EML2: variants seen among roughly 807,000 people sequenced by gnomAD.
EML2 encodes the protein echinoderm microtubule-associated protein-like 2.
A neutral mutation model predicts 84.7 loss-of-function variants in EML2; 59 were observed. That is an observed-to-expected ratio of 0.70 (90% confidence interval 0.56 to 0.86). EML2 has a LOEUF of 0.86. Among genes scored for constraint, EML2 ranks in the 40% least tolerant of loss-of-function variants. The probability of loss-of-function intolerance (pLI) is 0.00; values close to 1 mark genes in which losing one functional copy is unlikely to be tolerated. For missense variants in EML2, 818 were observed against 855.6 expected, an observed-to-expected ratio of 0.96 and a Z score of 0.55; for synonymous variants, 352 against 348.9, an observed-to-expected ratio of 1.01 and a Z score of -0.10.
At chr19:45,634,531 GTTTTT>G in intron 3 of EML2, 60 bp from the exon 4 acceptor site, 1 of 1,242,282 alleles carries the variant, frequency 8.0e-7, no homozygotes, top group Non-Finnish European at 1.0e-6. Flanking sequence ...TGTTTGTTTT[GTTTTT>G]ATTTATTTAT....
At chr19:45,641,346 C>T (rs910948807), upstream of EML2, 2 of 395,462 alleles carry the variant, frequency 5.1e-6, no homozygotes, top group Non-Finnish European at 4.7e-6. Context: ...TCTCCTGTAC[C>T]TTAATAACCA....
chr19:45,609,727 T>C lies in EML2; in HGVS notation c.1886A>G (p.Asp629Gly), dbSNP rs1308413347. ...CCCTGTGGTCAGGGCCATGCTGTCA[T>C]CCCACAAGAAGGCCACATTTGTCAC... The part of the protein sequence containing the change: ...SHVTNVAFLW[D>G]DSMALTTGGK... Residue 629 changes from aspartate to glycine, a missense_variant, in exon 19 of 19, where the codon GAT becomes GGT. Physicochemically the swap from Asp to Gly is moderately conservative, Grantham distance 94 (BLOSUM62 -1). Coordinates refer to ENST00000245925, the MANE Select transcript of EML2 (RefSeq NM_012155.4). The C allele has an allele frequency of 6.2e-7, 1 of 1,613,536 alleles. No homozygotes were observed. Among genetic ancestry groups the C allele is most frequent in the East Asian group, 2.2e-5 (1 of 44,874 alleles).
Position 45,616,570 on chromosome 19 carries a change from GGA to G in EML2, c.1412-14_1412-13del. ...CAGGTACGCCCCGTCTGGGGGAGGG[GGA>G]GGGGGGCTATGAGGAGGCACCCAGG... On this transcript the variant is annotated splice_polypyrimidine_tract_variant and intron_variant, in intron 14 of 18. Coordinates refer to ENST00000245925, the MANE Select transcript of EML2 (RefSeq NM_012155.4). 6.2e-7 allele frequency: 1 copy of G among 1,603,408 alleles called. No individual in the cohort carries two copies. The highest frequency in any genetic ancestry group is 8.5e-7 in the Non-Finnish European group (1 of 1,171,754).
In EML2 at chr19:45,616,644, C is replaced by G. The variant is rs2076567873; in HGVS notation, c.1412-86G>C. 2.2e-6 allele frequency: 3 copies of G among 1,391,950 alleles called. No homozygotes were observed. In the Admixed American group the frequency reaches 5.4e-5, roughly 25 times the overall value. 86.2% of individuals were successfully genotyped at this position (1,391,950 alleles called of 1,614,324 possible). ...ACTCAGCCCCCTCAACAGTCCCCAG[C>G]TCCATCCCCACTGCATCCCTCCTAG... On this transcript the variant is annotated intron_variant, in intron 14 of 18. Coordinates refer to ENST00000245925, the MANE Select transcript of EML2 (RefSeq NM_012155.4).
Position 45,609,400 on chromosome 19 carries a change from T to A in EML2, c.*263A>T. 1 of 330,240 alleles carries A rather than the reference T, an allele frequency of 3.0e-6. No homozygotes were observed. Among genetic ancestry groups the A allele is most frequent in the Non-Finnish European group, 5.6e-6 (1 of 179,318 alleles). The allele number at this position is 330,240 out of a possible 1,614,324, so 20.5% of individuals were successfully genotyped here. A position where few individuals can be genotyped will look rare whatever the true frequency, so the allele number is the denominator to read the frequency against. On this transcript the variant is annotated 3_prime_UTR_variant, in exon 19 of 19. Transcript: ENST00000245925. ...ACAAATACATAGACCCTGACACACCTTAGTGTACGTGTCTTTATTTCTGGA... is the reference window on the plus strand; with the variant it reads ...ACAAATACATAGACCCTGACACACCATAGTGTACGTGTCTTTATTTCTGGA...
At chr19:45,620,451 G>C (rs1239262899) in intron 11 of EML2, among the ~76,000 whole-genome samples, 1 of 152,022 alleles carries the variant, frequency 6.6e-6, no homozygotes, top group Admixed American at 6.6e-5. Context: ...GTTCATGCCT[G>C]TAATCCCCGC....
chr19:45,630,968 T>A (rs1266453935), intron 6 of EML2, among the ~76,000 whole-genome samples: 1 of 151,682 alleles, frequency 6.6e-6, no homozygotes, highest in Non-Finnish European at 1.5e-5. Flanking sequence ...GATTCTCCTG[T>A]CTCTGCCTCT....
chr19:45,632,689 T>C, intron 6 of EML2, 172 bp downstream of exon 6: 1 of 600,026 alleles, frequency 1.7e-6, no homozygotes, highest in Non-Finnish European at 2.9e-6. Flanking sequence ...GCGGGCACGG[T>C]GACTCACCCG....
upstream of EML2, chr19:45,643,800 T>C: frequency 6.9e-7 from 1 of 1,457,260 alleles, no homozygotes; most frequent in East Asian, 2.5e-5. Flanking sequence ...TGCCCCCCAC[T>C]CAGCGCCTCC....
intron 9 of EML2, among the ~76,000 whole-genome samples, chr19:45,623,122 G>A (rs1971912052): frequency 6.6e-6 from 1 of 151,124 alleles, no homozygotes; most frequent in South Asian, 2.1e-4. Context: ...CACTTTGGGA[G>A]GCCGAGGTGG....
intron 16 of EML2, 130 bp downstream of exon 16, chr19:45,615,670 TAA>T: frequency 1.3e-6 from 1 of 768,058 alleles, no homozygotes; most frequent in Non-Finnish European, 2.2e-6. Context: ...CAGCGGTCCC[TAA>T]ATTCCAAATC....
intron 3 of EML2, among the ~76,000 whole-genome samples, chr19:45,634,816 C>T (rs895673740): frequency 2.0e-5 from 3 of 151,772 alleles, no homozygotes; most frequent in Non-Finnish European, 2.9e-5. Flanking sequence ...CCGCCTCGCC[C>T]TCCCAAAGTG....
At chr19:45,636,382 CTG>C (rs1250656522) in intron 3 of EML2, among the ~76,000 whole-genome samples, 1 of 152,208 alleles carries the variant, frequency 6.6e-6, no homozygotes, top group African/African-American at 2.4e-5. Flanking sequence ...CCCAATAAGA[CTG>C]TGAGTTCCAT....
At chr19:45,627,193 G>A (rs912241016) in intron 7 of EML2, among the ~76,000 whole-genome samples, 2 of 151,094 alleles carry the variant, frequency 1.3e-5, no homozygotes, top group African/African-American at 4.9e-5. Context: ...TCTTTACCTC[G>A]TGATCCACCC....
intron 8 of EML2, among the ~76,000 whole-genome samples, chr19:45,626,291 C>A (rs957648305): frequency 1.3e-5 from 2 of 151,488 alleles, no homozygotes; most frequent in Admixed American, 6.6e-5. Flanking sequence ...GGATTACAGG[C>A]GAGAGCCACC....
chr19:45,635,351 G>A (rs1416780332), intron 3 of EML2, among the ~76,000 whole-genome samples: 10 of 151,806 alleles, frequency 6.6e-5, no homozygotes, highest in Non-Finnish European at 1.2e-4. Context: ...ATTGGTCAGG[G>A]TGGTCTCCAA....
upstream of EML2, chr19:45,645,546 G>A: frequency 1.8e-6 from 2 of 1,105,126 alleles, no homozygotes; most frequent in South Asian, 3.4e-5. Flanking sequence ...CGCCTGCCAA[G>A]CCCCCCAACA....
chr19:45,633,237 A>C (rs2122760304), intron 4 of EML2, 98 bp from the exon 5 acceptor site: 1 of 1,233,026 alleles, frequency 8.1e-7, no homozygotes, highest in South Asian at 1.3e-5. Flanking sequence ...GGTTGAGTTT[A>C]GTCAATAAAC....
Position 45,638,748 on chromosome 19 carries a change from G to C in EML2, c.49+97C>G, listed in dbSNP as rs552289296. ...AAGGCAGGGAAACTGAGGCCAGAGA[G>C]GCAAAGACCCAGTAGCCAAGACTCC... On this transcript the variant is annotated intron_variant, in intron 2 of 18. Transcript: ENST00000245925. The C allele has an allele frequency of 1.3e-5, 21 of 1,590,848 alleles. No individual in the cohort carries two copies. The East Asian group carries it at 4.7e-4, about 36-fold the overall frequency.
Sources: allele counts gnomAD v4.1 joint callset (sites outside exome capture counted in the v4.1 genomes callset), GRCh38; gene constraint gnomAD v4.1.1; transcripts MANE v1.5; gene names NCBI Gene and HGNC (gene_info 2026-07-23, HGNC 2026-07-21).